Variants in DNAI1 observed in about 807,000 individuals in gnomAD.
DNAI1 encodes dynein, axonemal, intermediate polypeptide 1.
DNAI1 carries 67 observed loss-of-function variants against 92.0 expected under a neutral mutation model. That is an observed-to-expected ratio of 0.73 (90% CI 0.60 to 0.89). The LOEUF is 0.89. Ranked by LOEUF, DNAI1 falls within the 40% of genes least tolerant of loss-of-function variation. DNAI1 has a pLI of 0.00. For missense variants in DNAI1, 839 were observed against 866.6 expected, an observed-to-expected ratio of 0.97 and a Z score of 0.40; for synonymous variants, 323 against 319.6, an observed-to-expected ratio of 1.01 and a Z score of -0.11.
intron 13 of DNAI1, among the ~76,000 whole-genome samples, chr9:34,509,325 G>T (rs941622395): frequency 6.6e-6 from 1 of 152,182 alleles, no homozygotes; most frequent in African/African-American, 2.4e-5. Flanking sequence ...CTGTTGGGAA[G>T]TGACACGTCA....
At chr9:34,519,906 C>T (rs937176161) in intron 19 of DNAI1, among the ~76,000 whole-genome samples, 3 of 152,180 alleles carry the variant, frequency 2.0e-5, no homozygotes, top group African/African-American at 7.2e-5. Context: ...TGGTGCTGGT[C>T]TGCCAAGGAG....
At chr9:34,492,493 G>GAGATTATATATAT (rs1271867592) in intron 8 of DNAI1, among the ~76,000 whole-genome samples, 1 of 68,268 alleles carries the variant, frequency 1.5e-5, no homozygotes, top group Non-Finnish European at 3.1e-5. Flanking sequence ...GGGATATGAA[G>GAGATTATATATAT]ATATATATAT....
At chr9:34,518,096 C>T (rs994107712) in intron 19 of DNAI1, among the ~76,000 whole-genome samples, 1 of 152,220 alleles carries the variant, frequency 6.6e-6, no homozygotes, top group South Asian at 2.1e-4. Context: ...GACTTATGAA[C>T]CCAGGCTTTG....
chr9:34,497,845 G>A (rs1824756877), intron 10 of DNAI1, among the ~76,000 whole-genome samples: 3 of 152,192 alleles, frequency 2.0e-5, no homozygotes, highest in South Asian at 2.1e-4. Flanking sequence ...CAGTGAAACC[G>A]AATAGGAATG....
chr9:34,498,619 C>A (rs1824769742), intron 10 of DNAI1, among the ~76,000 whole-genome samples: 1 of 152,256 alleles, frequency 6.6e-6, no homozygotes, highest in Admixed American at 6.5e-5. Flanking sequence ...CAGAATCCTT[C>A]CCATGGCATG....
intron 8 of DNAI1, among the ~76,000 whole-genome samples, chr9:34,492,493 G>GATATATAGATATATAT (rs1554688187): frequency 1.5e-5 from 1 of 68,268 alleles, no homozygotes; most frequent in Non-Finnish European, 3.1e-5. Flanking sequence ...GGGATATGAA[G>GATATATAGATATATAT]ATATATATAT....
At chr9:34,507,300 T>C (rs1824956017) in intron 13 of DNAI1, among the ~76,000 whole-genome samples, 1 of 152,154 alleles carries the variant, frequency 6.6e-6, no homozygotes, top group Non-Finnish European at 1.5e-5. Flanking sequence ...TAACTACTAA[T>C]AGCTTACTTT....
At chr9:34,481,058 T>C (rs1006940627) in intron 1 of DNAI1, among the ~76,000 whole-genome samples, 2 of 151,926 alleles carry the variant, frequency 1.3e-5, no homozygotes, top group African/African-American at 4.8e-5. Flanking sequence ...CTGGCCAACC[T>C]AGTGAAACCT....
chr9:34,463,180 A>AT (rs1216114744), intron 1 of DNAI1, among the ~76,000 whole-genome samples: 2 of 152,066 alleles, frequency 1.3e-5, no homozygotes, highest in African/African-American at 4.8e-5. Flanking sequence ...AGGGATGGGG[A>AT]TAGGGGAGGC....
chr9:34,459,101 G>C, intron 1 of DNAI1, 48 bp downstream of exon 1: 1 of 1,538,422 alleles, frequency 6.5e-7, no homozygotes, highest in Non-Finnish European at 9.0e-7. Flanking sequence ...CTTCGTCGTC[G>C]CCAGTGACCA....
chr9:34,497,293 A>G (rs1824746074), intron 10 of DNAI1, 94 bp downstream of exon 10: 9 of 942,574 alleles, frequency 9.5e-6, no homozygotes, highest in South Asian at 9.1e-5. Flanking sequence ...GCTAGCTCCT[A>G]TAGGTGCAAG....
intron 13 of DNAI1, among the ~76,000 whole-genome samples, chr9:34,509,886 C>T (rs953638492): frequency 1.5e-5 from 2 of 137,364 alleles, no homozygotes; most frequent in Admixed American, 8.1e-5. Context: ...GGCGACAGAG[C>T]GAGACTCCGT....
At chr9:34,460,081 A>G (rs1311308460) in intron 1 of DNAI1, among the ~76,000 whole-genome samples, 1 of 152,210 alleles carries the variant, frequency 6.6e-6, no homozygotes, top group Non-Finnish European at 1.5e-5. Context: ...TCATTCAGCT[A>G]TGTGAACATT....
chr9:34,497,678 C>T (rs1169366976), intron 10 of DNAI1, among the ~76,000 whole-genome samples: 1 of 152,164 alleles, frequency 6.6e-6, no homozygotes, highest in Non-Finnish European at 1.5e-5. Context: ...TCTGGGGATC[C>T]TCACATAGGA....
chr9:34,518,915 C>T (rs1825218414), intron 19 of DNAI1, among the ~76,000 whole-genome samples: 1 of 138,140 alleles, frequency 7.2e-6, no homozygotes, highest in Non-Finnish European at 1.6e-5. Context: ...TTTCAGTTCC[C>T]CTCAGAGAAG....
intron 12 of DNAI1, among the ~76,000 whole-genome samples, chr9:34,502,416 G>C (rs1824848818): frequency 6.6e-6 from 1 of 152,132 alleles, no homozygotes; most frequent in African/African-American, 2.4e-5. Flanking sequence ...CCCAGGAGTG[G>C]GTGTGGACCC....
At chr9:34,492,493 G>GATAGATAGATATATATATAT (rs1554688186) in intron 8 of DNAI1, among the ~76,000 whole-genome samples, 10 of 68,268 alleles carry the variant, frequency 1.5e-4, no homozygotes, top group Non-Finnish European at 2.1e-4. Context: ...GGGATATGAA[G>GATAGATAGATATATATATAT]ATATATATAT....
chr9:34,470,392 A>G (rs1824115379), intron 1 of DNAI1, among the ~76,000 whole-genome samples: 1 of 152,236 alleles, frequency 6.6e-6, no homozygotes, highest in South Asian at 2.1e-4. Flanking sequence ...AAAAACATAG[A>G]ATGTTTGAAA....
intron 18 of DNAI1, among the ~76,000 whole-genome samples, chr9:34,516,458 G>T (rs1825172164): frequency 6.6e-6 from 1 of 152,174 alleles, no homozygotes; most frequent in African/African-American, 2.4e-5. Context: ...TGGTCTGAGG[G>T]TGTGGTGAAG....
Sources: allele counts gnomAD v4.1 joint callset (sites outside exome capture counted in the v4.1 genomes callset), GRCh38; gene constraint gnomAD v4.1.1; transcripts MANE v1.5; gene names NCBI Gene and HGNC (gene_info 2026-07-23, HGNC 2026-07-21).